Variants in DRICH1 observed in about 807,000 individuals in gnomAD.
DRICH1 encodes the protein aspartate-rich protein 1.
Under a neutral mutation model 39.5 loss-of-function variants are expected in DRICH1, and 38 were observed. The ratio of observed to expected loss-of-function variants is 0.96; its 90% confidence interval spans 0.74 to 1.26. The LOEUF is 1.26. DRICH1 is among the 50% of genes most tolerant of loss of function. The pLI, the probability that DRICH1 is intolerant of heterozygous loss-of-function variation, is 0.00. For missense variants in DRICH1, 279 were observed against 270.4 expected (o/e 1.03, Z -0.22); for synonymous variants, 84 against 99.5 (o/e 0.84, Z 0.93).
chr22:23,586,722 T>G, the DRICH1 span, among the ~76,000 whole-genome samples: 2 of 152,178 alleles, frequency 1.3e-5, no homozygotes, highest in Non-Finnish European at 2.9e-5. Context: ...TATTGTATTT[T>G]TAGTAGAGAC....
chr22:23,622,733 T>C (rs1927828617), intron 3 of DRICH1, among the ~76,000 whole-genome samples: 1 of 118,278 alleles, frequency 8.5e-6, no homozygotes, highest in Middle Eastern at 4.9e-3. Flanking sequence ...ATTTCCTCTT[T>C]GTAAGTCTTC....
At chr22:23,597,894 C>T in the DRICH1 span, among the ~76,000 whole-genome samples, 3 of 151,992 alleles carry the variant, frequency 2.0e-5, no homozygotes, top group Non-Finnish European at 2.9e-5. Context: ...TACGCTCCCC[C>T]TCTCCCTGGC....
chr22:23,585,637 C>A, the DRICH1 span, among the ~76,000 whole-genome samples: 1 of 152,128 alleles, frequency 6.6e-6, no homozygotes, highest in Non-Finnish European at 1.5e-5. Context: ...CCTGCCTCAG[C>A]CTCCTGAGTA....
At chr22:23,623,936 C>T (rs1927914768) in intron 3 of DRICH1, 4 of 619,428 alleles carry the variant, frequency 6.5e-6, no homozygotes, top group Admixed American at 1.1e-4. Context: ...TGCATATTCT[C>T]AACAGAATGC....
In DRICH1 at chr22:23,625,982, T is replaced by C; in HGVS notation, c.275A>G (p.Lys92Arg). ...GAAGGCAAAGAAAGGGGGTCTTACC[T>C]TGGCATCATCATTGTCTTCCTCACT... ...PSSEEDNDDA[K>R]ILPSPVQGSS... Residue 92 changes from lysine (K) to arginine (R), a missense_variant and splice_region_variant, in exon 2 of 12, where the codon AAG becomes AGG. Coordinates refer to ENST00000317749, the MANE Select transcript of DRICH1 (RefSeq NM_016449.4). The C allele has an allele frequency of 1.2e-6, 2 of 1,609,722 alleles. No homozygotes were observed. The highest frequency in any genetic ancestry group is 2.2e-5 in the East Asian group (1 of 44,534).
downstream of DRICH1, among the ~76,000 whole-genome samples, chr22:23,605,773 T>C (rs1001165903): frequency 1.3e-5 from 2 of 152,122 alleles, no homozygotes; most frequent in African/African-American, 2.4e-5. Flanking sequence ...TAATATGATA[T>C]TTAAAAATAA....
chr22:23,590,884 A>G, the DRICH1 span, among the ~76,000 whole-genome samples: 2 of 152,188 alleles, frequency 1.3e-5, no homozygotes, highest in Admixed American at 6.5e-5. Flanking sequence ...TTGGCCTCCC[A>G]AAGTGCTAGG....
At chr22:23,622,595 A>T (rs1359092735) in intron 3 of DRICH1, among the ~76,000 whole-genome samples, 1 of 152,154 alleles carries the variant, frequency 6.6e-6, no homozygotes, top group African/African-American at 2.4e-5. Context: ...TCTATTACTT[A>T]ATTAAAAGTC....
At chr22:23,616,581 A>G (rs1266593735) in intron 8 of DRICH1, among the ~76,000 whole-genome samples, 1 of 152,162 alleles carries the variant, frequency 6.6e-6, no homozygotes, top group Non-Finnish European at 1.5e-5. Context: ...CCAGAATCCA[A>G]TCTTTAGAAC....
At chr22:23,592,681 A>C in the DRICH1 span, among the ~76,000 whole-genome samples, 1 of 152,108 alleles carries the variant, frequency 6.6e-6, no homozygotes, top group Admixed American at 6.6e-5. Context: ...CACTAATAGA[A>C]GGGAGAGGCT....
At chr22:23,609,668 GCCCTTCCCT>G (rs879813008) in intron 11 of DRICH1, among the ~76,000 whole-genome samples, 1 of 151,970 alleles carries the variant, frequency 6.6e-6, no homozygotes, top group Non-Finnish European at 1.5e-5. Flanking sequence ...TCCCAGCCAG[GCCCTTCCCT>G]CCCTTCCCCA....
intron 4 of DRICH1, among the ~76,000 whole-genome samples, chr22:23,621,859 C>T (rs1384392886): frequency 6.6e-6 from 1 of 152,054 alleles, no homozygotes; most frequent in South Asian, 2.1e-4. Flanking sequence ...GCCGAGATTG[C>T]ACCACTGCAC....
chr22:23,620,602 C>A lies in DRICH1; in HGVS notation c.398G>T (p.Arg133Leu), dbSNP rs75567718. 1.2e-6 allele frequency: 2 copies of A among 1,613,766 alleles called. No individual in the cohort carries two copies. Among genetic ancestry groups the A allele is most frequent in the African/African-American group, 1.3e-5 (1 of 74,864 alleles). Residue 133 changes from arginine (R) to leucine (L), a missense_variant, in exon 5 of 12, where the codon CGT becomes CTT. Physicochemically the swap from Arg to Leu is moderately radical, Grantham distance 102 (BLOSUM62 -2). Transcript: ENST00000317749. ...DDDDAQILPS[R>L]VQGGCYRFDS... ...TAGTTCAAGGTACATACCCTGGACACGTGACGGTAAAATCTGCAACGAGAC... is the reference window on the plus strand; with the variant it reads ...TAGTTCAAGGTACATACCCTGGACAAGTGACGGTAAAATCTGCAACGAGAC...
chr22:23,623,788 G>A (rs1176167589), intron 3 of DRICH1: 1 of 263,630 alleles, frequency 3.8e-6, no homozygotes, highest in Admixed American at 6.6e-5. Context: ...CTAGCTTGGG[G>A]GCACCCATAA....
At chr22:23,602,371 G>C in the DRICH1 span, among the ~76,000 whole-genome samples, 9 of 118,648 alleles carry the variant, frequency 7.6e-5, no homozygotes, top group East Asian at 5.2e-4. Flanking sequence ...CTGAGAGCAG[G>C]GGCTCACCCC....
chr22:23,623,874 C>T (rs1210546998), intron 3 of DRICH1: 1 of 875,324 alleles, frequency 1.1e-6, no homozygotes, highest in Non-Finnish European at 1.4e-6. Context: ...ATGAAGGTAC[C>T]AAGAATACAC....
At chr22:23,584,383 G>T in the DRICH1 span, among the ~76,000 whole-genome samples, 1 of 152,072 alleles carries the variant, frequency 6.6e-6, no homozygotes, top group African/African-American at 2.4e-5. Flanking sequence ...GCCTCCTGCT[G>T]GTCAGTCCCC....
At chr22:23,609,733 TCTCA>T (rs1435174652) in intron 11 of DRICH1, among the ~76,000 whole-genome samples, 1 of 152,094 alleles carries the variant, frequency 6.6e-6, no homozygotes, top group African/African-American at 2.4e-5. Context: ...TCAGGACTAA[TCTCA>T]CTATGTCCTT....
chr22:23,614,338 G>C lies in DRICH1; in HGVS notation c.542-124C>G, dbSNP rs916212617. On this transcript the variant is annotated intron_variant, in intron 8 of 11. Coordinates refer to ENST00000317749, the MANE Select transcript of DRICH1 (RefSeq NM_016449.4). ...ACAAGCATGGACTGAGTTGATGCTG[G>C]GCTATTCCCCTGAGTGGAAGAGGGA... The C allele has an allele frequency of 1.4e-5, 10 of 700,130 alleles. No individual in the cohort carries two copies. The African/African-American group carries it at 1.6e-4, about 11-fold the overall frequency. 43.4% of individuals were successfully genotyped at this position (700,130 alleles called of 1,614,324 possible). A position where few individuals can be genotyped will look rare whatever the true frequency, so the allele number is the denominator to read the frequency against.
Sources: allele counts gnomAD v4.1 joint callset (sites outside exome capture counted in the v4.1 genomes callset), GRCh38; gene constraint gnomAD v4.1.1; transcripts MANE v1.5; gene names NCBI Gene and HGNC (gene_info 2026-07-23, HGNC 2026-07-21).